Variants in SPEN observed in about 807,000 individuals in gnomAD.
SPEN encodes the protein spen family transcriptional repressor.
A neutral mutation model predicts 269.9 loss-of-function variants in SPEN; 18 were observed. The observed-to-expected ratio is 0.07, with a 90% CI of 0.05 to 0.10. The LOEUF is 0.10. Ranked by LOEUF, SPEN falls within the 10% of genes least tolerant of loss-of-function variation. The pLI is 1.00. For missense variants in SPEN, 3,822 were observed against 4,631.2 expected, an observed-to-expected ratio of 0.83 and a Z score of 5.07; for synonymous variants, 1,726 against 1,765.7, an observed-to-expected ratio of 0.98 and a Z score of 0.56.
At position 15,877,270 on chromosome 1, in the gene SPEN, A is replaced by AAT. The variant is rs919014853; in HGVS notation, c.881+605_881+606dup. 2.6e-4 allele frequency among the ~76,000 whole-genome samples: 39 copies of AAT among 151,766 alleles called. 1 individual carries two copies. Among genetic ancestry groups the AAT allele is most frequent in the Admixed American group, 1.3e-3 (19 of 15,192 alleles). ...CACTAGTTGAGAATTTCTTTCTACAAATATATATATATATTTTAAAGACAG... is the reference window on the plus strand; with the variant it reads ...CACTAGTTGAGAATTTCTTTCTACAAATATATATATATATATTTTAAAGACAG... On this transcript the variant is annotated intron_variant, in intron 3 of 14. Coordinates refer to ENST00000375759, the MANE Select transcript of SPEN (RefSeq NM_015001.3).
At chr1:15,924,333 G>C (rs1379160210) in intron 10 of SPEN, among the ~76,000 whole-genome samples, 1 of 152,138 alleles carries the variant, frequency 6.6e-6, no homozygotes, top group African/African-American at 2.4e-5. Context: ...AGGCCTACTT[G>C]CACCTAAAAC....
chr1:15,861,100 G>C (rs2070443518), intron 1 of SPEN, among the ~76,000 whole-genome samples: 1 of 151,266 alleles, frequency 6.6e-6, no homozygotes, highest in Non-Finnish European at 1.5e-5. Flanking sequence ...TTTTGGTAGA[G>C]ATGGGGTTTC....
At chr1:15,938,137 T>G (rs1472259305) in intron 13 of SPEN, 131 bp downstream of exon 13, 1 of 867,630 alleles carries the variant, frequency 1.2e-6, no homozygotes, top group African/African-American at 1.7e-5. Flanking sequence ...TGAAACAGTC[T>G]CTGTCGCCTG....
intron 1 of SPEN, among the ~76,000 whole-genome samples, chr1:15,851,846 G>T (rs1270252201): frequency 6.6e-6 from 1 of 152,170 alleles, no homozygotes; most frequent in African/African-American, 2.4e-5. Flanking sequence ...AGCCAGGTGT[G>T]GTGGTGTGCA....
At chr1:15,907,183 T>TA (rs2070965367) in intron 3 of SPEN, among the ~76,000 whole-genome samples, 4 of 152,234 alleles carry the variant, frequency 2.6e-5, no homozygotes, top group East Asian at 3.9e-4. Context: ...TATTTAGTTT[T>TA]AAAAAAATGC....
chr1:15,879,498 T>C (rs1239574862), intron 3 of SPEN, among the ~76,000 whole-genome samples: 1 of 152,052 alleles, frequency 6.6e-6, no homozygotes, highest in Non-Finnish European at 1.5e-5. Flanking sequence ...AGATAACTGC[T>C]AGAAGGGTAG....
intron 1 of SPEN, among the ~76,000 whole-genome samples, chr1:15,855,409 ACAT>A (rs1015040129): frequency 9.9e-5 from 15 of 151,916 alleles, no homozygotes; most frequent in African/African-American, 3.4e-4. Context: ...TTTTTTTTAC[ACAT>A]CATTTATTTT....
Position 15,932,819 on chromosome 1 carries a change from T to C in SPEN, c.6579T>C (p.Asp2193=), listed in dbSNP as rs1195286100. The change falls in exon 11 of 15, where the codon GAT becomes GAC. Residue 2193 remains aspartate, a synonymous_variant. Coordinates refer to ENST00000375759, the MANE Select transcript of SPEN (RefSeq NM_015001.3). This position sits in a 1 kb window ranked among gnomAD's most constrained non-coding sequence, Gnocchi z 4.2. ...CTGCCTCTGCTGCCTATAAGGCAGATGCACCAGAGGGCCTTGCCCCAGAGG... is the reference window on the plus strand; with the variant it reads ...CTGCCTCTGCTGCCTATAAGGCAGACGCACCAGAGGGCCTTGCCCCAGAGG... ...EASASAAYKA[D]APEGLAPEDR... is the part of the protein sequence containing the mutation. The C allele has an allele frequency of 1.2e-6, 2 of 1,614,086 alleles. No homozygotes were observed. The highest frequency in any genetic ancestry group is 2.2e-5 in the East Asian group (1 of 44,884).
intron 10 of SPEN, among the ~76,000 whole-genome samples, chr1:15,927,092 T>C (rs2071174702): frequency 6.6e-6 from 1 of 152,130 alleles, no homozygotes. Context: ...AATGAATGAG[T>C]GAAGGAAGTA....
At position 15,938,747 on chromosome 1, in the gene SPEN, T is replaced by C. The variant is rs548264042; in HGVS notation, c.10734T>C (p.Ala3578=). 2 of 1,613,956 alleles carry C rather than the reference T, an allele frequency of 1.2e-6. No homozygotes were observed. Among genetic ancestry groups the C allele is most frequent in the South Asian group, 2.2e-5 (2 of 91,078 alleles). ...TVETDYCLLL[A]LPCGRDQEDV... ...AGACAGATTACTGTCTGCTGCTGGC[T>C]CTGCCCTGTGGCCGTGACCAAGAGG... Residue 3578 remains alanine (A), a synonymous_variant, in exon 14 of 15, where the codon GCT becomes GCC. Transcript: ENST00000375759.
intron 6 of SPEN, among the ~76,000 whole-genome samples, chr1:15,917,538 C>T (rs546258936): frequency 2.0e-5 from 3 of 152,012 alleles, no homozygotes; most frequent in South Asian, 2.1e-4. Flanking sequence ...TACAGGCGCC[C>T]GCCACCATGC....
chr1:15,861,184 G>A (rs1252525993), intron 1 of SPEN, among the ~76,000 whole-genome samples: 1 of 150,148 alleles, frequency 6.7e-6, no homozygotes, highest in East Asian at 2.0e-4. Flanking sequence ...CTAGGCTGGA[G>A]TGCAGATGGT....
At chr1:15,865,107 A>C (rs1315632098) in intron 1 of SPEN, among the ~76,000 whole-genome samples, 1 of 151,814 alleles carries the variant, frequency 6.6e-6, no homozygotes, top group Non-Finnish European at 1.5e-5. Context: ...GCTGGAGTGC[A>C]GTGGTGAGAT....
At chr1:15,893,286 C>A (rs1200444513) in intron 3 of SPEN, among the ~76,000 whole-genome samples, 1 of 152,058 alleles carries the variant, frequency 6.6e-6, no homozygotes, top group Non-Finnish European at 1.5e-5. Flanking sequence ...ATTTGTATAA[C>A]CCAAACTGGA....
rs745653651 is a variant in SPEN, at chr1:15,934,113, A to T, written c.7873A>T (p.Met2625Leu). The T allele has an allele frequency of 1.2e-6, 2 of 1,613,704 alleles. No individual in the cohort carries two copies. Among genetic ancestry groups the T allele is most frequent in the Non-Finnish European group, 1.7e-6 (2 of 1,179,682 alleles). Residue 2625 changes from methionine to leucine, a missense_variant, in exon 11 of 15, where the codon ATG becomes TTG. Coordinates refer to ENST00000375759, the MANE Select transcript of SPEN (RefSeq NM_015001.3). The surrounding 1 kb of genome is among the most constrained non-coding windows in gnomAD (Gnocchi z 9.2). The part of the protein sequence containing the change: ...APKITSVISR[M>L]PVSIDLENSQ... ...CAAAATTACCTCTGTTATTAGCCGG[A>T]TGCCTGTCAGCATTGACCTGGAAAA...
At chr1:15,876,800 A>G in intron 3 of SPEN, 122 bp downstream of exon 3, 2 of 796,514 alleles carry the variant, frequency 2.5e-6, no homozygotes, top group South Asian at 3.4e-5. Flanking sequence ...ATATGTATGT[A>G]ATCAGTAAAG....
chr1:15,859,905 CT>C (rs34195453), intron 1 of SPEN, among the ~76,000 whole-genome samples: 24 of 79,618 alleles, frequency 3.0e-4, no homozygotes, highest in East Asian at 1.3e-3. Context: ...CAGTTAACAT[CT>C]TTTTTTTTTT....
At chr1:15,868,991 G>A (rs182207950) in intron 1 of SPEN, among the ~76,000 whole-genome samples, 165 of 152,262 alleles carry the variant, frequency 1.1e-3, no homozygotes, top group African/African-American at 3.9e-3. Flanking sequence ...AATTGTGAAT[G>A]GAGTAGTCTT....
chr1:15,929,371 T>C lies in SPEN; in HGVS notation c.3131T>C (p.Ile1044Thr), dbSNP rs1347531304. The change falls in exon 11 of 15, where the codon ATT becomes ACT. Residue 1044 changes from isoleucine to threonine, a missense_variant. Ile to Thr is a moderately conservative substitution (Grantham distance 89, BLOSUM62 -1). Around this residue, in one of 16 missense-constraint regions of SPEN, gnomAD observed 572 missense variants for 582.6 expected, o/e 0.98. Coordinates refer to ENST00000375759, the MANE Select transcript of SPEN (RefSeq NM_015001.3). This position sits in a 1 kb window ranked among gnomAD's most constrained non-coding sequence, Gnocchi z 5.8. ...EAERKPVRKEILKRESKKIKL... is the reference protein window; with the variant it reads ...EAERKPVRKETLKRESKKIKL... ...GAAAGAAAGCCTGTGAGGAAAGAAA[T>C]TCTTAAAAGAGAATCTAAAAAAATC... 6.2e-7 allele frequency: 1 copy of C among 1,613,272 alleles called. No homozygotes were observed. Among genetic ancestry groups the C allele is most frequent in the African/African-American group, 1.3e-5 (1 of 74,930 alleles).
Sources: allele counts gnomAD v4.1 joint callset (sites outside exome capture counted in the v4.1 genomes callset), GRCh38; gene constraint gnomAD v4.1.1; regional missense constraint gnomAD v4.1.1; non-coding constraint Gnocchi (gnomAD v3.1); transcripts MANE v1.5; gene names NCBI Gene and HGNC (gene_info 2026-07-23, HGNC 2026-07-21).